ACTR3C: variants seen among roughly 807,000 people sequenced by gnomAD.
ACTR3C encodes the protein actin related protein 3C, also known as actin-related protein 3C.
ACTR3C carries 18 observed loss-of-function variants against 26.3 expected under a neutral mutation model. The observed-to-expected ratio is 0.68, with a 90% confidence interval of 0.47 to 1.01. The LOEUF (loss-of-function observed/expected upper bound fraction) is 1.01. Ranked by LOEUF, ACTR3C falls within the 50% of genes least tolerant of loss-of-function variation. ACTR3C has a pLI of 0.00. For synonymous variants in ACTR3C, 55 were observed against 94.5 expected (o/e 0.58, Z 2.42); for missense variants, 184 against 250.7 (o/e 0.73, Z 1.80).
At chr7:150,035,633 T>C in the ACTR3C span, among the ~76,000 whole-genome samples, 2 of 134,484 alleles carry the variant, frequency 1.5e-5, no homozygotes, top group Admixed American at 1.4e-4. Context: ...ATTTGAACTT[T>C]CTACTTGGAC....
chr7:150,034,578 CTGCCCTTAAGCTCCGGTAGAT>C, the ACTR3C span, among the ~76,000 whole-genome samples: 1 of 151,766 alleles, frequency 6.6e-6, no homozygotes, highest in African/African-American at 2.4e-5. Context: ...CACCTGCCTT[CTGCCCTTAAGCTCCGGTAGAT>C]TGCAAATAAC....
chr7:150,067,466 C>A, the ACTR3C span, among the ~76,000 whole-genome samples: 1 of 152,162 alleles, frequency 6.6e-6, no homozygotes, highest in Non-Finnish European at 1.5e-5. Flanking sequence ...GATATAGTAA[C>A]CCATCCACAG....
chr7:149,989,605 G>A, the ACTR3C span, among the ~76,000 whole-genome samples: 2 of 152,340 alleles, frequency 1.3e-5, no homozygotes, highest in Middle Eastern at 3.4e-3. Flanking sequence ...ACAATTGACA[G>A]ACTCTCCTGC....
the ACTR3C span, among the ~76,000 whole-genome samples, chr7:150,103,632 T>C: frequency 3.9e-5 from 6 of 151,994 alleles, no homozygotes; most frequent in African/African-American, 1.2e-4. Context: ...ATTAGTGTCA[T>C]TGAATGGAGA....
chr7:150,178,407 C>T, the ACTR3C span, among the ~76,000 whole-genome samples: 4 of 149,874 alleles, frequency 2.7e-5, no homozygotes, highest in South Asian at 2.1e-4. Context: ...CTCAACCTTC[C>T]GACTAGCTGG....
chr7:150,049,560 C>T, the ACTR3C span, among the ~76,000 whole-genome samples: 4 of 152,286 alleles, frequency 2.6e-5, no homozygotes, highest in African/African-American at 9.6e-5. Context: ...TCGGCCGCCA[C>T]GCACAAGGCT....
chr7:150,116,431 A>G, the ACTR3C span, among the ~76,000 whole-genome samples: 2 of 152,170 alleles, frequency 1.3e-5, no homozygotes, highest in Non-Finnish European at 2.9e-5. Context: ...TTCTGGTAAT[A>G]TTGTCTTGTG....
At chr7:150,131,384 A>G in the ACTR3C span, among the ~76,000 whole-genome samples, 574 of 151,824 alleles carry the variant, frequency 3.8e-3, 1 homozygote, top group African/African-American at 0.013. Flanking sequence ...AAAAGCAAAG[A>G]AAGTAATTTT....
the ACTR3C span, among the ~76,000 whole-genome samples, chr7:150,137,249 C>T: frequency 6.6e-6 from 1 of 152,194 alleles, no homozygotes; most frequent in Non-Finnish European, 1.5e-5. Context: ...ATGCTTTTTC[C>T]AGCCACCCTA....
chr7:150,177,762 T>C, the ACTR3C span, among the ~76,000 whole-genome samples: 1 of 150,822 alleles, frequency 6.6e-6, no homozygotes, highest in Non-Finnish European at 1.5e-5. Context: ...ATATATCCAG[T>C]GTTATTTGCC....
At chr7:150,086,745 C>G in the ACTR3C span, among the ~76,000 whole-genome samples, 2 of 152,170 alleles carry the variant, frequency 1.3e-5, no homozygotes, top group Non-Finnish European at 2.9e-5. Context: ...GCTGGTCACT[C>G]CTCCCTCACA....
At chr7:150,157,327 T>C in the ACTR3C span, among the ~76,000 whole-genome samples, 4 of 151,872 alleles carry the variant, frequency 2.6e-5, no homozygotes, top group Non-Finnish European at 4.4e-5. Context: ...GAGAATAGGC[T>C]GAAAAATAAT....
At chr7:149,907,478 T>TCTCTTCTCTCTCC in the ACTR3C span, among the ~76,000 whole-genome samples, 1 of 97,688 alleles carries the variant, frequency 1.0e-5, no homozygotes, top group Non-Finnish European at 2.1e-5. Context: ...CTCTCTTCTC[T>TCTCTTCTCTCTCC]TCTCTCTCTC....
chr7:150,190,566 A>G, the ACTR3C span, among the ~76,000 whole-genome samples: 1 of 152,174 alleles, frequency 6.6e-6, no homozygotes, highest in African/African-American at 2.4e-5. Flanking sequence ...TTTCATACGC[A>G]TGTCCCGTCT....
chr7:150,034,202 C>G, the ACTR3C span, among the ~76,000 whole-genome samples: 1 of 151,932 alleles, frequency 6.6e-6, no homozygotes, highest in Non-Finnish European at 1.5e-5. Context: ...GCTTCTTTTA[C>G]TAGCAGGGCA....
At chr7:150,231,075 C>A in the ACTR3C span, among the ~76,000 whole-genome samples, 3 of 152,014 alleles carry the variant, frequency 2.0e-5, no homozygotes, top group African/African-American at 7.3e-5. Flanking sequence ...TTCAGTAATA[C>A]TATTAATTTC....
the ACTR3C span, among the ~76,000 whole-genome samples, chr7:149,898,487 C>T: frequency 6.6e-6 from 1 of 152,178 alleles, no homozygotes; most frequent in Non-Finnish European, 1.5e-5. Flanking sequence ...GGGCAGATCA[C>T]AAGGTCAAGA....
the ACTR3C span, among the ~76,000 whole-genome samples, chr7:149,966,411 C>G: frequency 6.6e-6 from 1 of 152,218 alleles, no homozygotes; most frequent in East Asian, 1.9e-4. Flanking sequence ...GATACACTTT[C>G]CCTCATGGCA....
At chr7:150,135,865 G>A in the ACTR3C span, among the ~76,000 whole-genome samples, 3 of 151,316 alleles carry the variant, frequency 2.0e-5, no homozygotes, top group East Asian at 3.9e-4. Flanking sequence ...AAAAGGAAAA[G>A]GAAAAGGAAA....
Sources: allele counts gnomAD v4.1 joint callset (sites outside exome capture counted in the v4.1 genomes callset), GRCh38; gene constraint gnomAD v4.1.1; transcripts MANE v1.5; gene names NCBI Gene and HGNC (gene_info 2026-07-23, HGNC 2026-07-21).